Variants in TTBK2 observed in about 807,000 individuals in gnomAD.
The protein encoded by TTBK2 is tau-tubulin kinase 2.
TTBK2 carries 28 observed loss-of-function variants against 110.8 expected under a neutral mutation model. The ratio of observed to expected loss-of-function variants is 0.25; its 90% confidence interval spans 0.19 to 0.35. The LOEUF is 0.35. Ranked by LOEUF, TTBK2 falls within the 10% of genes least tolerant of loss-of-function variation. The pLI is 1.00. For missense variants in TTBK2, 1,369 were observed against 1,500.3 expected (o/e 0.91, Z 1.45); for synonymous variants, 532 against 527.3 (o/e 1.01, Z -0.12).
chr15:42,819,171 G>A (rs1483142367), intron 6 of TTBK2, among the ~76,000 whole-genome samples: 2 of 150,192 alleles, frequency 1.3e-5, no homozygotes, highest in Non-Finnish European at 3.0e-5. Flanking sequence ...GATAGTAAAC[G>A]TTATTTTAAA....
Position 42,753,262 on chromosome 15 carries a change from G to A in TTBK2, c.1999-15C>T. On this transcript the variant is annotated splice_polypyrimidine_tract_variant and intron_variant, in intron 13 of 14. Coordinates refer to ENST00000267890, the MANE Select transcript of TTBK2 (RefSeq NM_173500.4). ...GGAATTGTAATCTGGAGAAGGGGAA[G>A]AAAAAATTAAAATGCAATTATGTAA... 5 of 1,610,840 alleles carry A rather than the reference G, an allele frequency of 3.1e-6. No individual in the cohort carries two copies. The highest frequency in any genetic ancestry group is 4.2e-6 in the Non-Finnish European group (5 of 1,178,276).
chr15:42,899,758 A>G (rs921148873), intron 1 of TTBK2, among the ~76,000 whole-genome samples: 2 of 150,692 alleles, frequency 1.3e-5, no homozygotes, highest in African/African-American at 2.4e-5. Context: ...AAAATTAGCC[A>G]GGTGTGCTGG....
At chr15:42,863,047 T>C (rs1894223698) in intron 3 of TTBK2, among the ~76,000 whole-genome samples, 1 of 152,088 alleles carries the variant, frequency 6.6e-6, no homozygotes, top group Non-Finnish European at 1.5e-5. Flanking sequence ...CTCAACATAG[T>C]ATTGGAAATC....
intron 1 of TTBK2, among the ~76,000 whole-genome samples, chr15:42,883,179 C>T (rs2141143846): frequency 6.6e-6 from 1 of 151,876 alleles, no homozygotes; most frequent in South Asian, 2.1e-4. Context: ...GTCGGGAGTT[C>T]GAGACCAGCC....
chr15:42,887,679 C>T (rs2141155951), intron 1 of TTBK2, among the ~76,000 whole-genome samples: 1 of 152,266 alleles, frequency 6.6e-6, no homozygotes, highest in East Asian at 1.9e-4. Context: ...ACTCTCCTAT[C>T]CTAAATACCT....
At chr15:42,846,601 G>A (rs1893477237) in intron 3 of TTBK2, among the ~76,000 whole-genome samples, 1 of 152,132 alleles carries the variant, frequency 6.6e-6, no homozygotes, top group African/African-American at 2.4e-5. Flanking sequence ...CTCTGTCCCT[G>A]GTACTTGTCA....
At chr15:42,913,458 T>C (rs1287666264) in intron 1 of TTBK2, among the ~76,000 whole-genome samples, 5 of 151,852 alleles carry the variant, frequency 3.3e-5, no homozygotes, top group Non-Finnish European at 5.9e-5. Context: ...ATTAACACGG[T>C]GAAACCCCGT....
intron 10 of TTBK2, among the ~76,000 whole-genome samples, chr15:42,793,692 T>A (rs987000687): frequency 6.6e-6 from 1 of 151,776 alleles, no homozygotes; most frequent in African/African-American, 2.4e-5. Context: ...CTACTAAAAA[T>A]ACAAAATTAG....
At chr15:42,821,684 T>C (rs1892303383) in intron 6 of TTBK2, among the ~76,000 whole-genome samples, 1 of 140,946 alleles carries the variant, frequency 7.1e-6, no homozygotes, top group East Asian at 2.0e-4. Context: ...TTTTTGTTTT[T>C]TGTTTTTTTT....
chr15:42,881,269 C>T (rs920373878), intron 1 of TTBK2, among the ~76,000 whole-genome samples: 1 of 102,652 alleles, frequency 9.7e-6, no homozygotes, highest in Non-Finnish European at 1.7e-5. Flanking sequence ...GATGACAGAG[C>T]AAGCTTCCGT....
At chr15:42,868,156 G>A (rs892523080) in intron 3 of TTBK2, among the ~76,000 whole-genome samples, 1 of 152,182 alleles carries the variant, frequency 6.6e-6, no homozygotes, top group Non-Finnish European at 1.5e-5. Context: ...TTTTAGGGCA[G>A]TAAAAATAGA....
chr15:42,846,364 AT>A (rs565379794), intron 3 of TTBK2, among the ~76,000 whole-genome samples: 240 of 151,934 alleles, frequency 1.6e-3, no homozygotes, highest in Non-Finnish European at 1.8e-3. Context: ...TAATTTTTGT[AT>A]TTTTAGTAGA....
chr15:42,797,227 C>A (rs190595524), intron 9 of TTBK2, among the ~76,000 whole-genome samples: 16 of 152,360 alleles, frequency 1.1e-4, no homozygotes, highest in African/African-American at 3.8e-4. Context: ...CTGCTAAATT[C>A]TCTGTCTGTA....
intron 3 of TTBK2, chr15:42,871,467 A>G (rs1894612173): frequency 2.0e-6 from 2 of 985,210 alleles, no homozygotes; most frequent in African/African-American, 3.5e-5. Flanking sequence ...CCTTGGAGCC[A>G]AGTAGGAGAA....
At chr15:42,878,918 G>A (rs971227295) in intron 1 of TTBK2, among the ~76,000 whole-genome samples, 1 of 152,090 alleles carries the variant, frequency 6.6e-6, no homozygotes, top group Non-Finnish European at 1.5e-5. Context: ...TTAAAACACA[G>A]ATATTATTTA....
Position 42,872,721 on chromosome 15 carries a change from T to G in TTBK2, c.107A>C (p.Tyr36Ser). Residue 36 changes from tyrosine (Y) to serine (S), a missense_variant, in exon 3 of 15, where the codon TAC becomes TCC. Transcript: ENST00000267890. Reference sequence around the variant, plus strand: ...CCTGGTGAGCATGTCCAAGGCATCGTAAATTTCTCCAAAGCCCCCACCCCC... The same window carrying G: ...CCTGGTGAGCATGTCCAAGGCATCGGAAATTTCTCCAAAGCCCCCACCCCC... ...KIGGGGFGEI[Y>S]DALDMLTREN... 1 of 1,614,138 alleles carries G rather than the reference T, an allele frequency of 6.2e-7. No homozygotes were observed. Among genetic ancestry groups the G allele is most frequent in the Non-Finnish European group, 8.5e-7 (1 of 1,180,008 alleles).
intron 14 of TTBK2, 125 bp downstream of exon 14, chr15:42,751,849 G>A: frequency 8.2e-7 from 1 of 1,222,854 alleles, no homozygotes; most frequent in Non-Finnish European, 1.2e-6. Flanking sequence ...GTAAGGCCTG[G>A]GAAAGGCAGG....
intron 12 of TTBK2, 30 bp downstream of exon 12, chr15:42,777,001 C>A: frequency 6.2e-7 from 1 of 1,600,346 alleles, no homozygotes. Flanking sequence ...ACCTTAGAAG[C>A]TTTAAAAAGA....
At chr15:42,909,653 C>T (rs1394659260) in intron 1 of TTBK2, among the ~76,000 whole-genome samples, 1 of 152,060 alleles carries the variant, frequency 6.6e-6, no homozygotes, top group Non-Finnish European at 1.5e-5. Context: ...GAAAATATTG[C>T]TATACTGAAC....
Sources: gnomAD v4.1 joint callset for allele counts (sites outside exome capture counted in the v4.1 genomes callset) on GRCh38, gnomAD v4.1.1 for gene constraint, MANE v1.5 for transcripts, NCBI Gene and HGNC (gene_info 2026-07-23, HGNC 2026-07-21) for gene names.